Variants in NCOA1 observed in about 807,000 individuals in gnomAD.
NCOA1 encodes Hin-2 protein.
A neutral mutation model predicts 150.9 loss-of-function variants in NCOA1; 35 were observed. The observed-to-expected ratio is 0.23, with a 90% CI of 0.18 to 0.31. The LOEUF is 0.31. NCOA1 is among the 10% of genes least tolerant of loss of function. NCOA1 has a pLI of 1.00. For synonymous variants in NCOA1, 590 were observed against 630.0 expected, an observed-to-expected ratio of 0.94 and a Z score of 0.95; for missense variants, 1,491 against 1,749.3, an observed-to-expected ratio of 0.85 and a Z score of 2.63.
At chr2:24,736,221 C>CA (rs758822213) in intron 17 of NCOA1, among the ~76,000 whole-genome samples, 772 of 63,268 alleles carry the variant, frequency 0.012, 5 homozygotes, top group East Asian at 0.04. Context: ...AACTCCGTCT[C>CA]AAAAAAAAAA....
At chr2:24,569,800 G>T (rs1366097849) in intron 2 of NCOA1, among the ~76,000 whole-genome samples, 1 of 150,162 alleles carries the variant, frequency 6.7e-6, no homozygotes, top group Non-Finnish European at 1.5e-5. Context: ...AACCCTGGGG[G>T]CGGAGGTTGC....
intron 3 of NCOA1, among the ~76,000 whole-genome samples, chr2:24,606,568 A>G (rs1262776754): frequency 2.6e-5 from 4 of 152,184 alleles, no homozygotes; most frequent in African/African-American, 9.7e-5. Flanking sequence ...CTGCACTTAT[A>G]TTTCTAGCAT....
At chr2:24,576,248 C>T (rs12617152) in intron 2 of NCOA1, among the ~76,000 whole-genome samples, 1 of 143,872 alleles carries the variant, frequency 7.0e-6, no homozygotes, top group South Asian at 2.2e-4. Flanking sequence ...GACATATCAG[C>T]ACTCTCCTAA....
intron 1 of NCOA1, among the ~76,000 whole-genome samples, chr2:24,537,472 T>A (rs1428678021): frequency 6.6e-6 from 1 of 151,230 alleles, no homozygotes; most frequent in Non-Finnish European, 1.5e-5. Flanking sequence ...TATATATATA[T>A]AATATATGTA....
At chr2:24,727,812 A>C (rs1456695163) in intron 15 of NCOA1, among the ~76,000 whole-genome samples, 1 of 152,222 alleles carries the variant, frequency 6.6e-6, no homozygotes, top group Non-Finnish European at 1.5e-5. Context: ...TGTAAATGGT[A>C]ATCATGTCAT....
chr2:24,691,798 C>G, intron 9 of NCOA1, 138 bp downstream of exon 9: 1 of 749,990 alleles, frequency 1.3e-6, no homozygotes, highest in Non-Finnish European at 2.0e-6. Context: ...ATTCCATTTG[C>G]TATATATTCT....
intron 4 of NCOA1, among the ~76,000 whole-genome samples, chr2:24,656,026 T>C: frequency 6.8e-6 from 1 of 147,484 alleles, no homozygotes; most frequent in African/African-American, 2.5e-5. Context: ...AGGCGGAGCT[T>C]GCAGTGAGCT....
At chr2:24,761,578 A>G (rs192022292) in intron 21 of NCOA1, among the ~76,000 whole-genome samples, 3 of 152,166 alleles carry the variant, frequency 2.0e-5, no homozygotes, top group Admixed American at 1.3e-4. Context: ...TATCAGTTCT[A>G]TTATCAGCAT....
At chr2:24,491,687 G>A (rs1311582459) in intron 1 of NCOA1, among the ~76,000 whole-genome samples, 85 bp downstream of exon 1, 1 of 151,108 alleles carries the variant, frequency 6.6e-6, no homozygotes, top group Non-Finnish European at 1.5e-5. Context: ...AGGGGGCGGG[G>A]AGCAGCTGGC....
chr2:24,501,318 G>A (rs1336770750), intron 1 of NCOA1, among the ~76,000 whole-genome samples: 2 of 152,058 alleles, frequency 1.3e-5, no homozygotes, highest in African/African-American at 2.4e-5. Flanking sequence ...AAAATGAACC[G>A]AATATAGAAC....
rs1666967476 is a variant in NCOA1 at position 24,576,170 on chromosome 2, G to GTTTTTGTTTTTTTTTTTTT, written c.-259-8301_-259-8300insGTTTTTTTTTTTTTTTTTT. The stretch of plus-strand genomic sequence containing the variant: ...CTTTGTTTTTTTTTTTTTGTTTTTT[G>GTTTTTGTTTTTTTTTTTTT]TTTTTTTTTTTTTTTTTTTTTGTTT... On this transcript the variant is annotated intron_variant, in intron 2 of 22. Coordinates refer to ENST00000348332, the MANE Select transcript of NCOA1 (RefSeq NM_003743.5). 4.5e-4 allele frequency among the ~76,000 whole-genome samples: 21 copies of GTTTTTGTTTTTTTTTTTTT among 46,296 alleles called. 2 individuals carry two copies. Among genetic ancestry groups the GTTTTTGTTTTTTTTTTTTT allele is most frequent in the African/African-American group, 1.0e-3 (16 of 15,700 alleles). The allele number at this position is 46,296 out of a possible 152,430, so 30.4% of individuals were successfully genotyped here.
At chr2:24,677,268 C>T (rs534892668) in intron 7 of NCOA1, among the ~76,000 whole-genome samples, 3 of 152,188 alleles carry the variant, frequency 2.0e-5, no homozygotes, top group African/African-American at 4.8e-5. Context: ...CTCTTGAACC[C>T]GGGAGGCAGA....
intron 11 of NCOA1, among the ~76,000 whole-genome samples, chr2:24,703,108 G>A (rs574425984): frequency 7.9e-5 from 12 of 152,258 alleles, no homozygotes; most frequent in East Asian, 5.8e-4. Context: ...GCTAGGCTCC[G>A]TGCTAGATAT....
chr2:24,710,857 G>A, intron 13 of NCOA1, 74 bp from the exon 14 acceptor site: 1 of 1,406,316 alleles, frequency 7.1e-7, no homozygotes, highest in Admixed American at 1.9e-5. Context: ...GTTTAAAGAA[G>A]CAGCATTTTT....
At chr2:24,554,341 T>C (rs1665983336) in intron 1 of NCOA1, 1 of 152,132 alleles carries the variant, frequency 6.6e-6, no homozygotes, top group Admixed American at 6.6e-5. Context: ...TATCCCTGAT[T>C]TTTTGTTTGT....
At chr2:24,510,142 C>T (rs530279133) in intron 1 of NCOA1, among the ~76,000 whole-genome samples, 14 of 152,260 alleles carry the variant, frequency 9.2e-5, no homozygotes, top group East Asian at 3.9e-4. Flanking sequence ...CTACGCCACC[C>T]GGGTTCAAGT....
intron 19 of NCOA1, among the ~76,000 whole-genome samples, chr2:24,749,137 A>G (rs932830678): frequency 3.3e-5 from 5 of 152,264 alleles, no homozygotes; most frequent in African/African-American, 1.2e-4. Context: ...CCAGTAGAGT[A>G]AGAGGGACCA....
At position 24,545,856 on chromosome 2, in the gene NCOA1, G is replaced by A. The variant is rs183495619; in HGVS notation, c.-395-18439G>A. Among the ~76,000 whole-genome samples, 15 of 152,214 alleles carry A rather than the reference G, an allele frequency of 9.9e-5. No homozygotes were observed. In the East Asian group the frequency reaches 2.9e-3, roughly 29 times the overall value. ...TGCCCAGGTTGGAGTGCAGTGGCAC[G>A]ATCTCGGCTCACTGCAACCTCTGCC... is the stretch of plus-strand genomic sequence containing the variant. On this transcript the variant is annotated intron_variant, in intron 1 of 22. Transcript: ENST00000348332.
intron 17 of NCOA1, among the ~76,000 whole-genome samples, chr2:24,730,133 C>T (rs879355970): frequency 4.6e-5 from 7 of 152,150 alleles, no homozygotes; most frequent in East Asian, 3.8e-4. Flanking sequence ...CGTGAGCCAC[C>T]GCACCCTGCC....
Sources: allele counts gnomAD v4.1 joint callset (sites outside exome capture counted in the v4.1 genomes callset), GRCh38; gene constraint gnomAD v4.1.1; transcripts MANE v1.5; gene names NCBI Gene and HGNC (gene_info 2026-07-23, HGNC 2026-07-21).